RAB3C: variants seen among roughly 807,000 people sequenced by gnomAD.
RAB3C encodes RAB3C, member RAS oncogene family.
RAB3C carries 17 observed loss-of-function variants against 26.4 expected under a neutral mutation model. The observed-to-expected ratio is 0.64, with a 90% CI of 0.44 to 0.97. RAB3C has a LOEUF of 0.97. Ranked by LOEUF, RAB3C falls within the 50% of genes least tolerant of loss-of-function variation. The probability of loss-of-function intolerance (pLI) is 0.00; values close to 1 mark genes in which losing one functional copy is unlikely to be tolerated. For missense variants in RAB3C, 242 were observed against 281.9 expected, an observed-to-expected ratio of 0.86 and a Z score of 1.01; for synonymous variants, 91 against 95.9, an observed-to-expected ratio of 0.95 and a Z score of 0.30.
intron 4 of RAB3C, among the ~76,000 whole-genome samples, chr5:58,833,550 A>T (rs745840546): frequency 6.6e-6 from 1 of 152,148 alleles, no homozygotes; most frequent in Non-Finnish European, 1.5e-5. Flanking sequence ...ACAAACAAGG[A>T]ATTAGAGGCA....
At position 58,799,019 on chromosome 5, in the gene RAB3C, C is replaced by T. The variant is rs934419021; in HGVS notation, c.372-26019C>T. 5.5e-4 allele frequency among the ~76,000 whole-genome samples: 83 copies of T among 152,110 alleles called. 1 individual carries two copies. Among genetic ancestry groups the T allele is most frequent in the African/African-American group, 1.9e-3 (80 of 41,418 alleles). On this transcript the variant is annotated intron_variant, in intron 3 of 4. Transcript: ENST00000282878. Reference sequence around the variant, plus strand: ...ATAATGTGTGCTCCTTAACTGGATCCTGGGGGGAAGAAACATTAGGTATGA... The same window carrying T: ...ATAATGTGTGCTCCTTAACTGGATCTTGGGGGGAAGAAACATTAGGTATGA...
intron 2 of RAB3C, among the ~76,000 whole-genome samples, chr5:58,645,502 A>C (rs1747497251): frequency 6.6e-6 from 1 of 152,224 alleles, no homozygotes; most frequent in Non-Finnish European, 1.5e-5. Context: ...GTAAGGGCAC[A>C]ATATTCATTC....
At chr5:58,624,503 T>C (rs1303001499) in intron 2 of RAB3C, among the ~76,000 whole-genome samples, 2 of 152,192 alleles carry the variant, frequency 1.3e-5, no homozygotes, top group Non-Finnish European at 2.9e-5. Context: ...ATACACAATG[T>C]CTTTCTTATG....
In RAB3C at chr5:58,817,432, C is replaced by T. The variant is rs62358126; in HGVS notation, c.372-7606C>T. Among the ~76,000 whole-genome samples the T allele has an allele frequency of 6.3e-4, 96 of 151,822 alleles. No individual in the cohort carries two copies. In the South Asian group the frequency reaches 6.9e-3, roughly 11 times the overall value. ...ATTAATATACATATAAAAGGCCTAC[C>T]CCCTAAACTTCCTAAAACTACCTAT... On this transcript the variant is annotated intron_variant, in intron 3 of 4. Transcript: ENST00000282878.
intron 1 of RAB3C, among the ~76,000 whole-genome samples, chr5:58,614,820 A>G (rs949721546): frequency 2.0e-5 from 3 of 152,180 alleles, no homozygotes; most frequent in African/African-American, 7.2e-5. Flanking sequence ...TTGCAGATAT[A>G]AAATATTTGG....
chr5:58,812,094 T>G (rs2112041256), intron 3 of RAB3C, among the ~76,000 whole-genome samples: 1 of 152,280 alleles, frequency 6.6e-6, no homozygotes, highest in South Asian at 2.1e-4. Flanking sequence ...TGCTCACCTT[T>G]CATCTTTCTT....
At chr5:58,659,509 G>T (rs914485030) in intron 2 of RAB3C, among the ~76,000 whole-genome samples, 5 of 152,234 alleles carry the variant, frequency 3.3e-5, no homozygotes, top group Admixed American at 2.6e-4. Flanking sequence ...CCAATGAAAG[G>T]AATAGACTTC....
chr5:58,771,055 C>T (rs1438985005), intron 3 of RAB3C, among the ~76,000 whole-genome samples: 1 of 152,086 alleles, frequency 6.6e-6, no homozygotes, highest in Admixed American at 6.6e-5. Flanking sequence ...ATAAATGTTT[C>T]CCTATTATAT....
intron 3 of RAB3C, among the ~76,000 whole-genome samples, chr5:58,764,616 CA>C (rs1245440938): frequency 6.6e-6 from 1 of 152,158 alleles, no homozygotes; most frequent in East Asian, 1.9e-4. Context: ...AGTTAAAAGG[CA>C]GAAACTTCTC....
intron 2 of RAB3C, among the ~76,000 whole-genome samples, chr5:58,707,500 C>G (rs1169056975): frequency 6.6e-6 from 1 of 152,126 alleles, no homozygotes; most frequent in Admixed American, 6.6e-5. Flanking sequence ...TCCAGAGAAA[C>G]TCATTTTACA....
chr5:58,656,601 C>T (rs905844626), intron 2 of RAB3C, among the ~76,000 whole-genome samples: 1 of 152,100 alleles, frequency 6.6e-6, no homozygotes, highest in Non-Finnish European at 1.5e-5. Flanking sequence ...CCTCAAATAA[C>T]ATAAACATGT....
intron 2 of RAB3C, among the ~76,000 whole-genome samples, chr5:58,623,922 C>G (rs1746994562): frequency 6.6e-6 from 1 of 152,126 alleles, no homozygotes; most frequent in South Asian, 2.1e-4. Context: ...TCTGTGCTTC[C>G]ATTTCCTCGT....
chr5:58,661,114 A>G lies in RAB3C; in HGVS notation c.252+43244A>G, dbSNP rs1034821616. Among the ~76,000 whole-genome samples the G allele has an allele frequency of 1.1e-4, 16 of 150,188 alleles. 1 individual carries two copies. Among genetic ancestry groups the G allele is most frequent in the African/African-American group, 3.8e-4 (15 of 39,558 alleles). ...TCCTATTAAAGTATTAATTGTGGGT[A>G]TTTCATTTCTTTCAGGAAATAAACA... On this transcript the variant is annotated intron_variant, in intron 2 of 4. Transcript: ENST00000282878.
intron 2 of RAB3C, among the ~76,000 whole-genome samples, chr5:58,639,714 C>T (rs546272952): frequency 2.0e-5 from 3 of 152,176 alleles, no homozygotes; most frequent in African/African-American, 4.8e-5. Context: ...GTCTTGCTCC[C>T]TGTTGCTTCA....
At chr5:58,636,647 A>T (rs146886652) in intron 2 of RAB3C, among the ~76,000 whole-genome samples, 1 of 152,210 alleles carries the variant, frequency 6.6e-6, no homozygotes, top group Non-Finnish European at 1.5e-5. Context: ...TCCTCTAATT[A>T]GAAAAGAACA....
intron 2 of RAB3C, among the ~76,000 whole-genome samples, chr5:58,676,005 G>T (rs1748217574): frequency 6.6e-6 from 1 of 152,018 alleles, no homozygotes; most frequent in South Asian, 2.1e-4. Context: ...GCACAGCTTG[G>T]CTCTTTGCTG....
intron 4 of RAB3C, among the ~76,000 whole-genome samples, chr5:58,832,388 T>C (rs78704740): frequency 0.026 from 3,907 of 152,320 alleles, 54 homozygotes; most frequent in Non-Finnish European, 0.041. Flanking sequence ...TTTATTTCTT[T>C]TGGGGGGCAG....
intron 3 of RAB3C, among the ~76,000 whole-genome samples, chr5:58,742,901 C>T (rs1336845332): frequency 6.6e-6 from 1 of 151,614 alleles, no homozygotes; most frequent in Non-Finnish European, 1.5e-5. Flanking sequence ...TTTTAATTCC[C>T]TCAATTTAAA....
In RAB3C at chr5:58,855,734, G is replaced by A. The variant is rs1744243623; in HGVS notation, c.*4383G>A. 1 of 152,094 alleles carries A rather than the reference G, an allele frequency of 6.6e-6. No individual in the cohort carries two copies. Among genetic ancestry groups the A allele is most frequent in the Admixed American group, 6.6e-5 (1 of 15,260 alleles). 9.4% of individuals were successfully genotyped at this position (152,094 alleles called of 1,614,324 possible). ...AGACATAAACCTGTTTTATATCATG[G>A]AATTTACTGGGCCAAATTAAGTAAA... On this transcript the variant is annotated 3_prime_UTR_variant, in exon 5 of 5. Transcript: ENST00000282878.
Sources: allele counts gnomAD v4.1 joint callset (sites outside exome capture counted in the v4.1 genomes callset), GRCh38; gene constraint gnomAD v4.1.1; transcripts MANE v1.5; gene names NCBI Gene and HGNC (gene_info 2026-07-23, HGNC 2026-07-21).